GRHL2: variants seen among roughly 807,000 people sequenced by gnomAD.
The protein encoded by GRHL2 is grainyhead-like protein 2 homolog.
GRHL2 carries 21 observed loss-of-function variants against 83.8 expected under a neutral mutation model. The observed-to-expected ratio is 0.25, with a 90% CI of 0.18 to 0.36. GRHL2 has a LOEUF of 0.36. GRHL2 is among the 10% of genes least tolerant of loss of function. GRHL2 has a pLI of 1.00. For synonymous variants in GRHL2, 280 were observed against 278.9 expected (o/e 1.00, Z -0.04); for missense variants, 623 against 781.8 (o/e 0.80, Z 2.42).
chr8:101,602,984 C>T (rs897110883), intron 8 of GRHL2, among the ~76,000 whole-genome samples: 3 of 152,238 alleles, frequency 2.0e-5, no homozygotes, highest in African/African-American at 7.2e-5. Context: ...AGGCCAGACA[C>T]TGATTTGTGT....
At chr8:101,678,459 G>C in the GRHL2 span, among the ~76,000 whole-genome samples, 4 of 152,262 alleles carry the variant, frequency 2.6e-5, no homozygotes, top group East Asian at 3.9e-4. Context: ...CTGATTGCTA[G>C]CACAGCAGTC....
intron 2 of GRHL2, among the ~76,000 whole-genome samples, chr8:101,544,623 C>T (rs1353305707): frequency 6.6e-6 from 1 of 152,138 alleles, no homozygotes; most frequent in Non-Finnish European, 1.5e-5. Context: ...GGAATTGGCA[C>T]AAATGTGAGG....
intron 8 of GRHL2, among the ~76,000 whole-genome samples, chr8:101,609,643 T>A (rs1313950318): frequency 2.6e-5 from 4 of 151,052 alleles, no homozygotes; most frequent in Non-Finnish European, 4.4e-5. Flanking sequence ...ATTTCATACT[T>A]TTTTAAAGGG....
chr8:101,645,287 C>G (rs1333449103), intron 13 of GRHL2, among the ~76,000 whole-genome samples: 1 of 151,922 alleles, frequency 6.6e-6, no homozygotes, highest in Non-Finnish European at 1.5e-5. Context: ...TGTGTGCCAC[C>G]ACGCCCAGCT....
chr8:101,583,676 A>T (rs1347119951), intron 7 of GRHL2, among the ~76,000 whole-genome samples: 2 of 152,244 alleles, frequency 1.3e-5, no homozygotes, highest in African/African-American at 4.8e-5. Context: ...AAAATGGATC[A>T]CAAATAAAAA....
At chr8:101,557,407 A>G (rs111954140) in intron 3 of GRHL2, among the ~76,000 whole-genome samples, 4,090 of 151,986 alleles carry the variant, frequency 0.027, 185 homozygotes, top group African/African-American at 0.093. Flanking sequence ...TGTTTTTAGT[A>G]GAGATGGGGT....
At chr8:101,665,442 C>T (rs916855842) in intron 15 of GRHL2, among the ~76,000 whole-genome samples, 3 of 152,170 alleles carry the variant, frequency 2.0e-5, no homozygotes, top group Non-Finnish European at 2.9e-5. Context: ...AGTGATGAGT[C>T]CTGTTGGTTG....
At chr8:101,574,596 A>G (rs1241461016) in intron 6 of GRHL2, among the ~76,000 whole-genome samples, 1 of 152,214 alleles carries the variant, frequency 6.6e-6, no homozygotes, top group Non-Finnish European at 1.5e-5. Flanking sequence ...CCACTTCAGA[A>G]CACTTAAGAA....
chr8:101,507,051 C>G (rs1403350698), intron 1 of GRHL2, among the ~76,000 whole-genome samples: 5 of 152,126 alleles, frequency 3.3e-5, no homozygotes, highest in African/African-American at 1.2e-4. Context: ...CAAAGTTGTA[C>G]CTTCCAACAT....
chr8:101,627,915 TGA>T (rs1202054118), intron 9 of GRHL2, among the ~76,000 whole-genome samples: 7 of 152,080 alleles, frequency 4.6e-5, no homozygotes, highest in African/African-American at 1.7e-4. Context: ...CTATGAAGGC[TGA>T]GAGAGATGAG....
At chr8:101,559,351 T>TGCAAAAAAAAAAAAAAAAAAAAAAAA (rs1285229771) in intron 4 of GRHL2, among the ~76,000 whole-genome samples, 1 of 19,230 alleles carries the variant, frequency 5.2e-5, no homozygotes. Flanking sequence ...CTACTAAAAA[T>TGCAAAAAAAAAAAAAAAAAAAAAAAA]ACAAAAAAAA....
Position 101,612,504 on chromosome 8 carries a change from G to C in GRHL2, c.1099-7035G>C, listed in dbSNP as rs544419541. Among the ~76,000 whole-genome samples, 23 of 125,966 alleles carry C rather than the reference G, an allele frequency of 1.8e-4. 2 individuals carry two copies. The highest frequency in any genetic ancestry group is 1.8e-3 in the East Asian group (8 of 4,540). 82.6% of individuals were successfully genotyped at this position (125,966 alleles called of 152,430 possible). On this transcript the variant is annotated intron_variant, in intron 8 of 15. Coordinates refer to ENST00000646743, the MANE Select transcript of GRHL2 (RefSeq NM_024915.4). Reference sequence around the variant, plus strand: ...GATTAGATAGATAGATAGATAGATAGATAGATAGATAGATAGATACATACA... The same window carrying C: ...GATTAGATAGATAGATAGATAGATACATAGATAGATAGATAGATACATACA...
intron 13 of GRHL2, among the ~76,000 whole-genome samples, chr8:101,645,913 A>C (rs1025822327): frequency 1.3e-5 from 2 of 152,048 alleles, no homozygotes; most frequent in African/African-American, 4.8e-5. Context: ...TCTCATTGTC[A>C]CTCAGGCTGG....
intron 8 of GRHL2, among the ~76,000 whole-genome samples, chr8:101,603,159 G>A (rs1467830174): frequency 5.3e-5 from 8 of 152,254 alleles, no homozygotes; most frequent in Admixed American, 5.2e-4. Context: ...TTAAGAATGA[G>A]GTTTTTTTTG....
intron 4 of GRHL2, 59 bp from the exon 5 acceptor site, chr8:101,570,280 A>G (rs2130218087): frequency 1.6e-6 from 2 of 1,222,068 alleles, no homozygotes; most frequent in Non-Finnish European, 2.4e-6. Context: ...ATTTATTATT[A>G]TCATTTTTGC....
At chr8:101,640,163 C>T (rs1037769196) in intron 12 of GRHL2, among the ~76,000 whole-genome samples, 4 of 152,226 alleles carry the variant, frequency 2.6e-5, no homozygotes, top group South Asian at 2.1e-4. Flanking sequence ...CAATTTGAAT[C>T]TGGTTTTGAT....
At chr8:101,679,638 T>C in the GRHL2 span, among the ~76,000 whole-genome samples, 1 of 150,820 alleles carries the variant, frequency 6.6e-6, no homozygotes, top group Non-Finnish European at 1.5e-5. Context: ...TTCACCAAAG[T>C]TGAAATGAAG....
intron 9 of GRHL2, among the ~76,000 whole-genome samples, chr8:101,626,511 T>C (rs752915278): frequency 3.3e-4 from 50 of 152,208 alleles, no homozygotes; most frequent in Middle Eastern, 3.4e-3. Flanking sequence ...AATAGCTACA[T>C]ATTGTGGAAA....
chr8:101,551,593 T>TA (rs1811380792), intron 2 of GRHL2, among the ~76,000 whole-genome samples: 1 of 150,722 alleles, frequency 6.6e-6, no homozygotes, highest in Admixed American at 6.6e-5. Context: ...GGAGTTTGGC[T>TA]AGAAGGAAGA....
Sources: gnomAD v4.1 joint callset for allele counts (sites outside exome capture counted in the v4.1 genomes callset) on GRCh38, gnomAD v4.1.1 for gene constraint, MANE v1.5 for transcripts, NCBI Gene and HGNC (gene_info 2026-07-23, HGNC 2026-07-21) for gene names.